The following NT5DC1 variants were observed in gnomAD, a reference collection of about 807,000 sequenced individuals.
NT5DC1 encodes 5'-nucleotidase domain-containing protein 1.
Under a neutral mutation model 59.4 loss-of-function variants are expected in NT5DC1, and 42 were observed. That is an observed-to-expected ratio of 0.71 (90% CI 0.55 to 0.92). NT5DC1 has a LOEUF of 0.92. NT5DC1 is among the 40% of genes least tolerant of loss of function. The pLI is 0.00. For missense variants in NT5DC1, 501 were observed against 537.1 expected, an observed-to-expected ratio of 0.93 and a Z score of 0.66; for synonymous variants, 172 against 188.1, an observed-to-expected ratio of 0.91 and a Z score of 0.70.
At chr6:116,156,995 T>A (rs941374435) in intron 6 of NT5DC1, among the ~76,000 whole-genome samples, 3 of 152,126 alleles carry the variant, frequency 2.0e-5, no homozygotes, top group Non-Finnish European at 4.4e-5. Flanking sequence ...GCTTGTTTAT[T>A]TGGATATTTT....
intron 6 of NT5DC1, among the ~76,000 whole-genome samples, chr6:116,137,804 G>A (rs984904716): frequency 6.6e-5 from 10 of 152,236 alleles, no homozygotes; most frequent in East Asian, 1.9e-4. Context: ...CAGCTTGGCC[G>A]GACGCACTGG....
At chr6:116,226,878 A>C (rs532285995) in intron 8 of NT5DC1, among the ~76,000 whole-genome samples, 31 of 152,186 alleles carry the variant, frequency 2.0e-4, no homozygotes, top group African/African-American at 7.2e-4. Context: ...TTATATATTT[A>C]TGTTGTACAA....
intron 8 of NT5DC1, among the ~76,000 whole-genome samples, chr6:116,236,757 A>C (rs1192732558): frequency 6.6e-6 from 1 of 152,092 alleles, no homozygotes; most frequent in African/African-American, 2.4e-5. Context: ...ACTTCCTTGA[A>C]CCTTATTTTC....
At chr6:116,121,139 C>T (rs1386260299) in intron 6 of NT5DC1, 1 of 1,613,312 alleles carries the variant, frequency 6.2e-7, no homozygotes, top group East Asian at 2.2e-5. Context: ...ACCTGCTGGC[C>T]CTTGTTCCCC....
chr6:116,177,710 T>TAA (rs1780764385), intron 6 of NT5DC1, among the ~76,000 whole-genome samples: 1 of 152,184 alleles, frequency 6.6e-6, no homozygotes, highest in Non-Finnish European at 1.5e-5. Context: ...CTCTTAAAGT[T>TAA]TATTACTAAA....
At chr6:116,228,361 A>G (rs1031249423) in intron 8 of NT5DC1, among the ~76,000 whole-genome samples, 1 of 152,220 alleles carries the variant, frequency 6.6e-6, no homozygotes, top group Non-Finnish European at 1.5e-5. Flanking sequence ...ATATAAAATC[A>G]GGCGGGCATG....
At position 116,106,230 on chromosome 6, in the gene NT5DC1, C is replaced by T. The variant is rs771079551; in HGVS notation, c.94-14C>T. The T allele has an allele frequency of 1.6e-6, 2 of 1,290,110 alleles. No individual in the cohort carries two copies. The highest frequency in any genetic ancestry group is 4.6e-5 in the East Asian group (2 of 43,354). The allele number at this position is 1,290,110 out of a possible 1,614,324, so 79.9% of individuals were successfully genotyped here. On this transcript the variant is annotated splice_polypyrimidine_tract_variant and intron_variant, in intron 1 of 11. Transcript: ENST00000319550. ...GTGTTATATTTAATCTGTTTTTCTT[C>T]CCCTTATTTGCAGCTCATTTATAAT...
Position 116,238,960 on chromosome 6 carries a change from A to C in NT5DC1, c.1089A>C (p.Pro363=), listed in dbSNP as rs544296679. ...PLEKKGKYEG[P]KAKPLNTSSK... The stretch of plus-strand genomic sequence containing the variant: ...ATTCTGTTCTCTTGTTTCAGGGACC[A>C]AAAGCAAAACCTTTAAATACTTCAT... The change falls in exon 11 of 12, where the codon CCA becomes CCC. Residue 363 remains proline (P), a synonymous_variant. Coordinates refer to ENST00000319550, the MANE Select transcript of NT5DC1 (RefSeq NM_152729.3). The C allele has an allele frequency of 4.4e-6, 7 of 1,592,616 alleles. No individual in the cohort carries two copies. Among genetic ancestry groups the C allele is most frequent in the Admixed American group, 1.7e-5 (1 of 59,266 alleles).
intron 6 of NT5DC1, among the ~76,000 whole-genome samples, chr6:116,160,547 A>G (rs974389432): frequency 1.3e-5 from 2 of 152,130 alleles, no homozygotes; most frequent in South Asian, 4.1e-4. Flanking sequence ...ATAGTTTGCA[A>G]ATATTTTCTC....
chr6:116,247,077 A>C lies in NT5DC1; in HGVS notation c.*3053A>C, dbSNP rs189150466. 1 of 152,304 alleles carries C rather than the reference A, an allele frequency of 6.6e-6. No individual in the cohort carries two copies. The highest frequency in any genetic ancestry group is 1.5e-5 in the Non-Finnish European group (1 of 68,000). The allele number at this position is 152,304 out of a possible 1,614,324, so 9.4% of individuals were successfully genotyped here. A position where few individuals can be genotyped will look rare whatever the true frequency, so the allele number is the denominator to read the frequency against. ...TACACTGTTAGTAAGAGAGCAATACATGAACCCAAGTTTGATCCTCAAAAT... is the reference window on the plus strand; with the variant it reads ...TACACTGTTAGTAAGAGAGCAATACCTGAACCCAAGTTTGATCCTCAAAAT... On this transcript the variant is annotated 3_prime_UTR_variant, in exon 12 of 12. Transcript: ENST00000319550.
At chr6:116,170,724 A>G (rs1464826246) in intron 6 of NT5DC1, among the ~76,000 whole-genome samples, 2 of 152,222 alleles carry the variant, frequency 1.3e-5, no homozygotes, top group Non-Finnish European at 2.9e-5. Flanking sequence ...ATTCAGCCTT[A>G]GCAAACTGCT....
rs757856587 is a variant in NT5DC1 at position 116,121,881 on chromosome 6, G to A, written c.529+3936G>A. The A allele has an allele frequency of 2.9e-5, 47 of 1,613,904 alleles. No individual in the cohort carries two copies. Among genetic ancestry groups the A allele is most frequent in the South Asian group, 2.5e-4 (23 of 91,070 alleles). On this transcript the variant is annotated intron_variant, in intron 6 of 11. Coordinates refer to ENST00000319550, the MANE Select transcript of NT5DC1 (RefSeq NM_152729.3). ...CTTCCGTAGCCTGGTTTTCCTGGTG[G>A]TCCAGAAGGACCTGGGTGCCCTCGA...
chr6:116,157,422 T>C (rs2093481676), intron 6 of NT5DC1, among the ~76,000 whole-genome samples: 1 of 152,212 alleles, frequency 6.6e-6, no homozygotes, highest in South Asian at 2.1e-4. Context: ...AAAAGAGCTA[T>C]GGGGACAGGT....
At chr6:116,119,266 T>C (rs1779033163) in intron 6 of NT5DC1, 1 of 152,570 alleles carries the variant, frequency 6.6e-6, no homozygotes, top group South Asian at 2.1e-4. Flanking sequence ...GAAAATCATA[T>C]CACATAAGAT....
chr6:116,113,509 G>A (rs968039377), intron 4 of NT5DC1, among the ~76,000 whole-genome samples: 10 of 152,224 alleles, frequency 6.6e-5, no homozygotes, highest in Admixed American at 3.3e-4. Context: ...AGAGGTGGAC[G>A]TTGAAGCTTT....
At chr6:116,234,307 G>A (rs370010565) in intron 8 of NT5DC1, among the ~76,000 whole-genome samples, 29 of 151,730 alleles carry the variant, frequency 1.9e-4, no homozygotes, top group African/African-American at 7.0e-4. Context: ...TATCCTCATT[G>A]TACTCTTTGC....
chr6:116,109,108 GTT>G (rs1477564719), intron 3 of NT5DC1, among the ~76,000 whole-genome samples: 1 of 152,138 alleles, frequency 6.6e-6, no homozygotes, highest in Admixed American at 6.5e-5. Flanking sequence ...GGGAGCATCT[GTT>G]TTTTCTCCAG....
At chr6:116,195,113 A>G (rs937711143) in intron 6 of NT5DC1, among the ~76,000 whole-genome samples, 5 of 152,190 alleles carry the variant, frequency 3.3e-5, no homozygotes, top group Middle Eastern at 3.4e-3. Context: ...CCTATGTCAC[A>G]TTATATTTTA....
At chr6:116,242,346 TAAAAATAA>T (rs1221721362) in intron 11 of NT5DC1, among the ~76,000 whole-genome samples, 1 of 151,496 alleles carries the variant, frequency 6.6e-6, no homozygotes, top group Non-Finnish European at 1.5e-5. Context: ...TGTCTCAAAA[TAAAAATAA>T]AAAAATAAAA....
Sources: allele counts gnomAD v4.1 joint callset (sites outside exome capture counted in the v4.1 genomes callset), GRCh38; gene constraint gnomAD v4.1.1; transcripts MANE v1.5; gene names NCBI Gene and HGNC (gene_info 2026-07-23, HGNC 2026-07-21).